ARMC2: variants seen among roughly 807,000 people sequenced by gnomAD.
ARMC2 encodes armadillo repeat-containing protein 2.
Under a neutral mutation model 90.3 loss-of-function variants are expected in ARMC2, and 67 were observed. That is an observed-to-expected ratio of 0.74 (90% CI 0.61 to 0.91). The LOEUF is 0.91. Among genes scored for constraint, ARMC2 ranks in the 40% least tolerant of loss-of-function variants. The probability of loss-of-function intolerance (pLI) is 0.00; values close to 1 mark genes in which losing one functional copy is unlikely to be tolerated. For synonymous variants in ARMC2, 393 were observed against 393.0 expected, an observed-to-expected ratio of 1.00 and a Z score of 0.00; for missense variants, 920 against 1,030.9, an observed-to-expected ratio of 0.89 and a Z score of 1.47.
intron 10 of ARMC2, among the ~76,000 whole-genome samples, chr6:108,920,558 A>C (rs1774455784): frequency 6.6e-6 from 1 of 152,106 alleles, no homozygotes; most frequent in African/African-American, 2.4e-5. Flanking sequence ...GTTCTCCTCC[A>C]ATTTTCCAGG....
At chr6:108,993,452 T>C in the ARMC2 span, among the ~76,000 whole-genome samples, 120 of 152,274 alleles carry the variant, frequency 7.9e-4, no homozygotes, top group Middle Eastern at 0.01. Context: ...ATGACAACTC[T>C]ACATCTTTAG....
chr6:108,911,353 G>A (rs1230892642), intron 9 of ARMC2, among the ~76,000 whole-genome samples: 4 of 152,150 alleles, frequency 2.6e-5, no homozygotes, highest in African/African-American at 9.7e-5. Context: ...TACTAGGGAT[G>A]ACTAAAAGTT....
intron 5 of ARMC2, among the ~76,000 whole-genome samples, chr6:108,893,976 C>T (rs1771353596): frequency 6.6e-6 from 1 of 152,066 alleles, no homozygotes; most frequent in African/African-American, 2.4e-5. Flanking sequence ...AGCAACAGGG[C>T]AAGACTTCGT....
intron 3 of ARMC2, among the ~76,000 whole-genome samples, chr6:108,862,760 A>C (rs947818609): frequency 2.0e-5 from 3 of 152,120 alleles, no homozygotes; most frequent in Non-Finnish European, 4.4e-5. Context: ...AGAGTTTGTG[A>C]GGACCTAACC....
At chr6:108,989,061 G>A in the ARMC2 span, among the ~76,000 whole-genome samples, 2 of 152,154 alleles carry the variant, frequency 1.3e-5, no homozygotes, top group East Asian at 1.9e-4. Flanking sequence ...GGAGTGCAGT[G>A]GTGCTATCTT....
chr6:108,983,462 G>T, the ARMC2 span, among the ~76,000 whole-genome samples: 1 of 152,010 alleles, frequency 6.6e-6, no homozygotes, highest in Non-Finnish European at 1.5e-5. Context: ...TCATTCTTTT[G>T]CATGTGCATA....
chr6:109,052,591 C>T, the ARMC2 span, among the ~76,000 whole-genome samples: 1 of 152,068 alleles, frequency 6.6e-6, no homozygotes, highest in African/African-American at 2.4e-5. Flanking sequence ...TGAGAGTATT[C>T]ATTATGTACT....
intron 11 of ARMC2, among the ~76,000 whole-genome samples, chr6:108,928,781 T>C (rs927922452): frequency 6.6e-6 from 1 of 152,228 alleles, no homozygotes; most frequent in Non-Finnish European, 1.5e-5. Flanking sequence ...ATTTCAGAAC[T>C]GTCTTTGAAT....
At chr6:108,881,296 C>CTTCCTTCCTT (rs1554239378) in intron 5 of ARMC2, among the ~76,000 whole-genome samples, 1 of 78,176 alleles carries the variant, frequency 1.3e-5, no homozygotes, top group African/African-American at 5.3e-5. Flanking sequence ...CCCTCCCCTC[C>CTTCCTTCCTT]CCTTCCTTCC....
chr6:108,894,673 A>G, intron 6 of ARMC2, 130 bp downstream of exon 6: 1 of 616,270 alleles, frequency 1.6e-6, no homozygotes, highest in Non-Finnish European at 2.5e-6. Flanking sequence ...ATCAACATTT[A>G]TTTTTATACA....
chr6:108,905,416 A>G (rs1772578397), intron 8 of ARMC2, among the ~76,000 whole-genome samples: 1 of 152,162 alleles, frequency 6.6e-6, no homozygotes, highest in South Asian at 2.1e-4. Flanking sequence ...CTTCTTTGAA[A>G]TAGTGATATC....
the ARMC2 span, among the ~76,000 whole-genome samples, chr6:109,017,263 T>A: frequency 1.3e-5 from 2 of 152,192 alleles, no homozygotes; most frequent in Non-Finnish European, 2.9e-5. Flanking sequence ...TCATTCATTA[T>A]TTGTAAATAT....
chr6:108,906,585 A>G (rs922517618), intron 8 of ARMC2, among the ~76,000 whole-genome samples: 3 of 151,948 alleles, frequency 2.0e-5, no homozygotes, highest in African/African-American at 7.3e-5. Context: ...GGCTCAAGTG[A>G]TCCTTCTGCC....
chr6:108,979,921 G>A, the ARMC2 span, among the ~76,000 whole-genome samples: 1 of 151,734 alleles, frequency 6.6e-6, no homozygotes, highest in Admixed American at 6.6e-5. Flanking sequence ...TAGCTTACTT[G>A]CATTGGATTA....
the ARMC2 span, among the ~76,000 whole-genome samples, chr6:109,040,945 C>T: frequency 6.6e-6 from 1 of 152,008 alleles, no homozygotes; most frequent in Non-Finnish European, 1.5e-5. Flanking sequence ...AGCCACCGCA[C>T]CTGGCCCAAA....
the ARMC2 span, chr6:108,994,545 C>T: frequency 3.7e-6 from 6 of 1,613,522 alleles, no homozygotes; most frequent in Admixed American, 3.3e-5. Flanking sequence ...TTCTTCATCT[C>T]GACATTCCTG....
intron 3 of ARMC2, among the ~76,000 whole-genome samples, chr6:108,867,277 A>G (rs925391111): frequency 1.4e-4 from 22 of 152,182 alleles, no homozygotes; most frequent in African/African-American, 5.3e-4. Flanking sequence ...AGGGTCTGGC[A>G]TCAGGTCGGA....
At chr6:108,866,954 T>C (rs2128426743) in intron 3 of ARMC2, among the ~76,000 whole-genome samples, 1 of 152,206 alleles carries the variant, frequency 6.6e-6, no homozygotes, top group African/African-American at 2.4e-5. Flanking sequence ...TATTCATGTA[T>C]GTGGGAAAAC....
At chr6:109,019,263 G>A in the ARMC2 span, among the ~76,000 whole-genome samples, 1 of 152,150 alleles carries the variant, frequency 6.6e-6, no homozygotes, top group Non-Finnish European at 1.5e-5. Flanking sequence ...ACTAGGTTTG[G>A]AGGATCCAAG....
Sources: allele counts gnomAD v4.1 joint callset (sites outside exome capture counted in the v4.1 genomes callset), GRCh38; gene constraint gnomAD v4.1.1; transcripts MANE v1.5; gene names NCBI Gene and HGNC (gene_info 2026-07-23, HGNC 2026-07-21).